The following NEK10 variants were observed in gnomAD, a reference collection of about 807,000 sequenced individuals.
The protein encoded by NEK10 is serine/threonine-protein kinase Nek10.
Under a neutral mutation model 159.8 loss-of-function variants are expected in NEK10, and 122 were observed. That is an observed-to-expected ratio of 0.76 (90% CI 0.66 to 0.89). NEK10 has a LOEUF of 0.89. NEK10 is among the 40% of genes least tolerant of loss of function. The probability of loss-of-function intolerance (pLI) is 0.00; values close to 1 mark genes in which losing one functional copy is unlikely to be tolerated. For missense variants in NEK10, 1,342 were observed against 1,323.1 expected, an observed-to-expected ratio of 1.01 and a Z score of -0.22; for synonymous variants, 466 against 457.1, an observed-to-expected ratio of 1.02 and a Z score of -0.25.
intron 30 of NEK10, among the ~76,000 whole-genome samples, chr3:27,160,268 T>C (rs183168456): frequency 1.7e-3 from 263 of 152,294 alleles, no homozygotes; most frequent in African/African-American, 6.0e-3. Context: ...CAGATTAATG[T>C]CACTTCTCTA....
intron 32 of NEK10, among the ~76,000 whole-genome samples, chr3:27,127,136 TTGC>T (rs1184392570): frequency 6.6e-6 from 1 of 152,172 alleles, no homozygotes; most frequent in East Asian, 1.9e-4. Context: ...ATGTTCAATC[TTGC>T]TTCATTTAAA....
chr3:27,286,079 C>CTTTTTTTTTTTTT (rs35663067), intron 20 of NEK10, among the ~76,000 whole-genome samples: 7 of 57,708 alleles, frequency 1.2e-4, no homozygotes, highest in East Asian at 4.9e-4. Context: ...ATTTCCAATT[C>CTTTTTTTTTTTTT]TTTTTTTTTT....
At chr3:27,290,845 C>T in intron 18 of NEK10, 91 bp from the exon 19 acceptor site, 1 of 940,916 alleles carries the variant, frequency 1.1e-6, no homozygotes, top group Non-Finnish European at 1.6e-6. Flanking sequence ...CTAACAAAGT[C>T]ACATGAGTAA....
At chr3:27,302,939 CA>C (rs2043947521) in intron 12 of NEK10, among the ~76,000 whole-genome samples, 3 of 152,110 alleles carry the variant, frequency 2.0e-5, no homozygotes, top group African/African-American at 7.2e-5. Context: ...TTTGAGATGG[CA>C]GGTGAACAGG....
chr3:27,331,262 A>AAAAAAAAAAAAAAAAAAAC lies in NEK10; in HGVS notation c.363-9002_363-9001insGTTTTTTTTTTTTTTTTTT. Among the ~76,000 whole-genome samples the AAAAAAAAAAAAAAAAAAAC allele has an allele frequency of 1.3e-3, 146 of 110,052 alleles. 35 individuals carry two copies. The highest frequency in any genetic ancestry group is 1.9e-3 in the Non-Finnish European group (96 of 51,000). The allele number at this position is 110,052 out of a possible 152,430, so 72.2% of individuals were successfully genotyped here. On this transcript the variant is annotated intron_variant, in intron 5 of 35. Transcript: ENST00000691995. ...CAAAAAAAAAAAAACAAAAAAAAAA[A>AAAAAAAAAAAAAAAAAAAC]ACACACAAACCTAAGACTTTTGAGG...
chr3:27,293,844 T>C (rs894991116), intron 15 of NEK10, among the ~76,000 whole-genome samples, 192 bp from the exon 16 acceptor site: 13 of 152,200 alleles, frequency 8.5e-5, no homozygotes, highest in Admixed American at 3.3e-4. Flanking sequence ...AAAAAGTGTT[T>C]ATGTTGTAGA....
intron 30 of NEK10, among the ~76,000 whole-genome samples, chr3:27,145,912 A>G (rs1038488405): frequency 1.3e-5 from 2 of 152,146 alleles, no homozygotes; most frequent in African/African-American, 4.8e-5. Flanking sequence ...CCATTATAAA[A>G]GAGGCCAGAG....
intron 6 of NEK10, among the ~76,000 whole-genome samples, chr3:27,315,884 C>G (rs1332934088): frequency 3.3e-5 from 5 of 152,050 alleles, no homozygotes; most frequent in African/African-American, 1.2e-4. Flanking sequence ...TAAATGGGGA[C>G]TGGAAGGATG....
chr3:27,296,020 T>C (rs2043328461), intron 14 of NEK10, among the ~76,000 whole-genome samples: 1 of 152,188 alleles, frequency 6.6e-6, no homozygotes, highest in Admixed American at 6.5e-5. Context: ...CTTAGATTTA[T>C]ATCTTTGATA....
chr3:27,300,083 G>A (rs146833016), intron 13 of NEK10, among the ~76,000 whole-genome samples: 8 of 152,158 alleles, frequency 5.3e-5, no homozygotes, highest in Non-Finnish European at 8.8e-5. Context: ...GGGAGGGGCC[G>A]GGAGCAAAAT....
At chr3:27,243,167 G>A (rs1455890418) in intron 23 of NEK10, among the ~76,000 whole-genome samples, 1 of 152,084 alleles carries the variant, frequency 6.6e-6, no homozygotes, top group Non-Finnish European at 1.5e-5. Context: ...GTTTTCTTGT[G>A]TTAGCATCGT....
intron 1 of NEK10, among the ~76,000 whole-genome samples, chr3:27,359,215 A>AAAATC (rs2048521631): frequency 6.6e-6 from 1 of 151,850 alleles, no homozygotes; most frequent in Non-Finnish European, 1.5e-5. Flanking sequence ...AAAAAAAAAA[A>AAAATC]AATCAATCAA....
At chr3:27,135,270 TAAAC>T (rs1235732713) in intron 31 of NEK10, among the ~76,000 whole-genome samples, 1 of 152,076 alleles carries the variant, frequency 6.6e-6, no homozygotes, top group Non-Finnish European at 1.5e-5. Flanking sequence ...AAGAAACAAA[TAAAC>T]AAACATTTTT....
At chr3:27,326,423 G>T (rs1221736240) in intron 5 of NEK10, among the ~76,000 whole-genome samples, 1 of 152,188 alleles carries the variant, frequency 6.6e-6, no homozygotes, top group African/African-American at 2.4e-5. Context: ...TTTAAGAGAT[G>T]ATTCACGCTA....
intron 23 of NEK10, among the ~76,000 whole-genome samples, chr3:27,212,897 A>G (rs1951142995): frequency 6.6e-6 from 1 of 152,222 alleles, no homozygotes; most frequent in Non-Finnish European, 1.5e-5. Context: ...GTGTGGAGGC[A>G]GGGAACATAA....
chr3:27,343,145 CA>C (rs1429870541), intron 5 of NEK10, among the ~76,000 whole-genome samples: 2 of 152,258 alleles, frequency 1.3e-5, no homozygotes, highest in African/African-American at 4.8e-5. Context: ...AAAGGGATGA[CA>C]GATGCAGTCT....
chr3:27,326,729 T>G (rs754215205), intron 5 of NEK10, among the ~76,000 whole-genome samples: 3 of 152,208 alleles, frequency 2.0e-5, no homozygotes, highest in Non-Finnish European at 4.4e-5. Flanking sequence ...CCCAAAGCTA[T>G]TAATATTTCT....
At chr3:27,251,113 C>T (rs962541621) in intron 23 of NEK10, among the ~76,000 whole-genome samples, 1 of 152,050 alleles carries the variant, frequency 6.6e-6, no homozygotes, top group Non-Finnish European at 1.5e-5. Flanking sequence ...AGGACATGGG[C>T]ACTATTATTA....
chr3:27,292,625 G>A (rs796697611), intron 16 of NEK10, among the ~76,000 whole-genome samples: 35 of 152,196 alleles, frequency 2.3e-4, no homozygotes, highest in African/African-American at 8.4e-4. Flanking sequence ...CCTGAGGTCA[G>A]GAGTTCAAGA....
Sources: allele counts gnomAD v4.1 joint callset (sites outside exome capture counted in the v4.1 genomes callset), GRCh38; gene constraint gnomAD v4.1.1; transcripts MANE v1.5; gene names NCBI Gene and HGNC (gene_info 2026-07-23, HGNC 2026-07-21).